Variants in ABCC1 observed in about 807,000 individuals in gnomAD.
ABCC1 encodes multidrug resistance-associated protein 1.
A neutral mutation model predicts 172.9 loss-of-function variants in ABCC1; 83 were observed. The ratio of observed to expected loss-of-function variants is 0.48; its 90% confidence interval spans 0.40 to 0.58. The LOEUF is 0.58. ABCC1 is among the 20% of genes least tolerant of loss of function. The pLI, the probability that ABCC1 is intolerant of heterozygous loss-of-function variation, is 0.00. For missense variants in ABCC1, 1,817 were observed against 2,002.7 expected, an observed-to-expected ratio of 0.91 and a Z score of 1.77; for synonymous variants, 937 against 825.2, an observed-to-expected ratio of 1.14 and a Z score of -2.32.
At chr16:15,963,570 C>T (rs559509761) in intron 1 of ABCC1, among the ~76,000 whole-genome samples, 2 of 152,310 alleles carry the variant, frequency 1.3e-5, no homozygotes, top group South Asian at 4.1e-4. Context: ...GGTTTCCAAA[C>T]CTCAGTTCTT....
chr16:15,959,903 T>G (rs1055496577), intron 1 of ABCC1, among the ~76,000 whole-genome samples: 35 of 152,268 alleles, frequency 2.3e-4, no homozygotes, highest in African/African-American at 6.3e-4. Flanking sequence ...GAAACCTGTC[T>G]AGGGAGGGAG....
chr16:16,079,070 C>T (rs993413168), intron 15 of ABCC1, among the ~76,000 whole-genome samples: 2 of 152,096 alleles, frequency 1.3e-5, no homozygotes, highest in Non-Finnish European at 2.9e-5. Context: ...AAAAACTGTT[C>T]CAGAAGCCCA....
At chr16:16,070,956 G>A (rs1354651417) in intron 13 of ABCC1, among the ~76,000 whole-genome samples, 1 of 152,136 alleles carries the variant, frequency 6.6e-6, no homozygotes, top group African/African-American at 2.4e-5. Flanking sequence ...CCATATCCAA[G>A]TTTTCTGGAA....
At chr16:16,101,994 C>T (rs2051775387) in intron 19 of ABCC1, among the ~76,000 whole-genome samples, 1 of 152,144 alleles carries the variant, frequency 6.6e-6, no homozygotes, top group Non-Finnish European at 1.5e-5. Context: ...CTTTGAAGCT[C>T]ACCTGGTTGT....
intron 26 of ABCC1, among the ~76,000 whole-genome samples, chr16:16,126,134 C>G (rs1410665626): frequency 6.6e-6 from 1 of 152,120 alleles, no homozygotes; most frequent in South Asian, 2.1e-4. Flanking sequence ...TATCCATATA[C>G]GAGACTGTGG....
chr16:16,024,474 C>T (rs894946331), intron 5 of ABCC1, among the ~76,000 whole-genome samples: 4 of 152,178 alleles, frequency 2.6e-5, no homozygotes, highest in Non-Finnish European at 5.9e-5. Flanking sequence ...ACCTCAGCCT[C>T]GCAAGTAGCT....
chr16:15,964,989 C>G (rs999933193), intron 1 of ABCC1, among the ~76,000 whole-genome samples: 1 of 152,032 alleles, frequency 6.6e-6, no homozygotes, highest in Non-Finnish European at 1.5e-5. Context: ...GGGACCTTTC[C>G]TCTTTGTCCA....
Position 16,025,430 on chromosome 16 carries a change from A to G in ABCC1, c.616-7679A>G, listed in dbSNP as rs563855850. Among the ~76,000 whole-genome samples the G allele has an allele frequency of 2.8e-4, 43 of 152,304 alleles. 1 individual carries two copies. Among genetic ancestry groups the G allele is most frequent in the Admixed American group, 1.0e-3 (16 of 15,294 alleles). On this transcript the variant is annotated intron_variant, in intron 5 of 30. Transcript: ENST00000399410. ...GGCCCGAGCATCTGCGGTTCCCAAC[A>G]AGTTCCCAGGTGCCACCGATGCTGG...
At chr16:16,135,690 G>A (rs1050536522) in intron 28 of ABCC1, among the ~76,000 whole-genome samples, 13 of 151,870 alleles carry the variant, frequency 8.6e-5, no homozygotes, top group African/African-American at 1.7e-4. Context: ...TCCTGACCTC[G>A]AGTGATCTGC....
chr16:16,018,905 A>C (rs1472699998), intron 5 of ABCC1, among the ~76,000 whole-genome samples: 5 of 152,004 alleles, frequency 3.3e-5, no homozygotes, highest in Non-Finnish European at 7.4e-5. Flanking sequence ...TGAAAGGCCA[A>C]GGCTAGAGGA....
chr16:16,088,742 T>A (rs1376137624), intron 18 of ABCC1, among the ~76,000 whole-genome samples: 1 of 151,890 alleles, frequency 6.6e-6, no homozygotes, highest in Non-Finnish European at 1.5e-5. Context: ...AGGGTTTTCC[T>A]CTGTTGTCCA....
intron 1 of ABCC1, among the ~76,000 whole-genome samples, chr16:15,953,109 G>T (rs1157738093): frequency 2.0e-5 from 3 of 152,082 alleles, no homozygotes; most frequent in South Asian, 2.1e-4. Context: ...GCCAAGGCAG[G>T]CGGATCACCT....
At chr16:16,077,043 C>A (rs1008992803) in intron 15 of ABCC1, among the ~76,000 whole-genome samples, 2 of 152,180 alleles carry the variant, frequency 1.3e-5, no homozygotes, top group African/African-American at 2.4e-5. Flanking sequence ...GCACCCCACA[C>A]CCTACAGTCC....
chr16:16,039,535 C>T (rs768126788), intron 7 of ABCC1, among the ~76,000 whole-genome samples: 1 of 152,028 alleles, frequency 6.6e-6, no homozygotes, highest in Non-Finnish European at 1.5e-5. Flanking sequence ...TCCCAAAGTG[C>T]TGGGATTACA....
At chr16:16,099,559 T>G (rs1478349902) in intron 19 of ABCC1, among the ~76,000 whole-genome samples, 7 of 152,348 alleles carry the variant, frequency 4.6e-5, no homozygotes, top group African/African-American at 1.4e-4. Flanking sequence ...AAGGCAGAAC[T>G]GAGCAAGTAG....
At chr16:15,962,835 G>C (rs892242340) in intron 1 of ABCC1, among the ~76,000 whole-genome samples, 1 of 152,136 alleles carries the variant, frequency 6.6e-6, no homozygotes, top group Admixed American at 6.5e-5. Context: ...ACACAGAGCC[G>C]TGCCATATCA....
intron 29 of ABCC1, 136 bp downstream of exon 29, chr16:16,136,780 G>C (rs2045932710): frequency 9.6e-7 from 1 of 1,036,316 alleles, no homozygotes; most frequent in African/African-American, 1.6e-5. Flanking sequence ...TCACCTCTTG[G>C]AGCCTCAGTT....
chr16:16,139,633 A>G (rs924043631), intron 30 of ABCC1, among the ~76,000 whole-genome samples: 3 of 151,590 alleles, frequency 2.0e-5, no homozygotes, highest in Admixed American at 1.3e-4. Flanking sequence ...AAAAAAAAAA[A>G]AGAATATAAT....
Position 16,122,009 on chromosome 16 carries a change from G to T in ABCC1, c.3425G>T (p.Arg1142Leu). Residue 1142 changes from arginine (R) to leucine (L), a missense_variant, in exon 24 of 31, where the codon CGC (arginine) becomes CTC (leucine). Physicochemically the swap from Arg to Leu is moderately radical, Grantham distance 102. Coordinates refer to ENST00000399410, the MANE Select transcript of ABCC1 (RefSeq NM_004996.4). The part of the protein sequence containing the change: ...FYVASSRQLK[R>L]LESVSRSPVY... ...GTGGCTTCCTCCCGGCAGCTGAAGC[G>T]CCTCGAGTCGGTCAGCCGCTCCCCG... is the stretch of plus-strand genomic sequence containing the variant. 2 of 1,614,180 alleles carry T rather than the reference G, an allele frequency of 1.2e-6. No homozygotes were observed. Among genetic ancestry groups the T allele is most frequent in the Non-Finnish European group, 1.7e-6 (2 of 1,180,032 alleles).
Sources: gnomAD v4.1 joint callset for allele counts (sites outside exome capture counted in the v4.1 genomes callset) on GRCh38, gnomAD v4.1.1 for gene constraint, MANE v1.5 for transcripts, NCBI Gene and HGNC (gene_info 2026-07-23, HGNC 2026-07-21) for gene names.